Variants in DCC observed in about 807,000 individuals in gnomAD.
The protein encoded by DCC is DCC netrin 1 receptor, also known as netrin receptor DCC.
DCC carries 58 observed loss-of-function variants against 172.5 expected under a neutral mutation model. That is an observed-to-expected ratio of 0.34 (90% CI 0.27 to 0.42). The LOEUF (loss-of-function observed/expected upper bound fraction) is 0.42, where lower values mean the gene tolerates loss of function less well. Among genes scored for constraint, DCC ranks in the 10% least tolerant of loss-of-function variants. The pLI is 1.00. For missense variants in DCC, 1,740 were observed against 1,791.0 expected (o/e 0.97, Z 0.51); for synonymous variants, 709 against 644.5 (o/e 1.10, Z -1.52).
chr18:53,127,457 A>G (rs1268256615), intron 7 of DCC, among the ~76,000 whole-genome samples: 2 of 152,050 alleles, frequency 1.3e-5, no homozygotes, highest in Non-Finnish European at 2.9e-5. Flanking sequence ...GTGTTCTCCC[A>G]GTCTGCAGGG....
intron 2 of DCC, among the ~76,000 whole-genome samples, chr18:52,796,042 T>C (rs904738372): frequency 9.7e-5 from 14 of 144,506 alleles, no homozygotes; most frequent in Non-Finnish European, 1.8e-4. Context: ...ATTTAAATTG[T>C]TTTCTATAGG....
At chr18:52,725,548 G>A (rs2036538831) in intron 1 of DCC, among the ~76,000 whole-genome samples, 1 of 152,156 alleles carries the variant, frequency 6.6e-6, no homozygotes, top group Non-Finnish European at 1.5e-5. Flanking sequence ...ATAGGCAGTG[G>A]GAGAAGCTGA....
At chr18:52,605,718 T>C (rs541609265) in intron 1 of DCC, among the ~76,000 whole-genome samples, 1 of 152,244 alleles carries the variant, frequency 6.6e-6, no homozygotes, top group East Asian at 1.9e-4. Flanking sequence ...ACTCTTTCAC[T>C]GAGCTACACT....
chr18:52,713,180 T>C (rs892319920), intron 1 of DCC, among the ~76,000 whole-genome samples: 2 of 152,242 alleles, frequency 1.3e-5, no homozygotes, highest in Admixed American at 6.5e-5. Flanking sequence ...TTCTTTTCTC[T>C]CGCATAGCAT....
At position 52,529,356 on chromosome 18, in the gene DCC, T is replaced by A. The variant is rs1323572116; in HGVS notation, c.91+188478T>A. ...CCCAGGCTGGAGTGCAGTGGCACGA[T>A]CTCAGCTCACTGCAAGCTCCGCCTC... On this transcript the variant is annotated intron_variant, in intron 1 of 28. Coordinates refer to ENST00000442544, the MANE Select transcript of DCC (RefSeq NM_005215.4). Among the ~76,000 whole-genome samples the A allele has an allele frequency of 3.3e-5, 5 of 152,320 alleles. 1 individual carries two copies. The highest frequency in any genetic ancestry group is 3.3e-4 in the Admixed American group (5 of 15,298).
chr18:53,078,740 A>G (rs1165452775), intron 7 of DCC, among the ~76,000 whole-genome samples: 1 of 152,212 alleles, frequency 6.6e-6, no homozygotes, highest in Non-Finnish European at 1.5e-5. Context: ...TGACAAATAT[A>G]TACCAAGAAT....
intron 15 of DCC, among the ~76,000 whole-genome samples, chr18:53,348,298 C>G (rs938962172): frequency 6.6e-6 from 1 of 152,176 alleles, no homozygotes; most frequent in African/African-American, 2.4e-5. Flanking sequence ...GAGGGACAGT[C>G]AAATCTTAAA....
chr18:52,883,689 C>A (rs1167523198), intron 2 of DCC, among the ~76,000 whole-genome samples: 3 of 148,518 alleles, frequency 2.0e-5, no homozygotes, highest in Non-Finnish European at 4.5e-5. Flanking sequence ...GTAGTTACTG[C>A]TTTTGAGTTG....
At chr18:52,380,531 C>T (rs12968385) in intron 1 of DCC, among the ~76,000 whole-genome samples, 20,622 of 151,982 alleles carry the variant, frequency 0.14, 1,557 homozygotes, top group Non-Finnish European at 0.16. Flanking sequence ...TCCCCACTTT[C>T]GAAACATCAA....
At chr18:53,056,393 CAG>C (rs2042404457) in intron 5 of DCC, among the ~76,000 whole-genome samples, 1 of 152,134 alleles carries the variant, frequency 6.6e-6, no homozygotes. Flanking sequence ...GGTGGGCACA[CAG>C]AGCTAAACCA....
intron 17 of DCC, among the ~76,000 whole-genome samples, chr18:53,393,089 ACTACCATCCTC>A (rs1908673856): frequency 6.6e-6 from 1 of 152,106 alleles, no homozygotes; most frequent in South Asian, 2.1e-4. Context: ...TTTTCACTGA[ACTACCATCCTC>A]CTGAATCCAG....
intron 1 of DCC, among the ~76,000 whole-genome samples, chr18:52,465,758 G>C (rs72924602): frequency 5.4e-5 from 8 of 149,456 alleles, no homozygotes; most frequent in Non-Finnish European, 8.8e-5. Context: ...AACTTCCCTC[G>C]TTTAGTTAAT....
intron 7 of DCC, among the ~76,000 whole-genome samples, chr18:53,070,883 A>C (rs542710121): frequency 2.1e-4 from 32 of 152,344 alleles, no homozygotes; most frequent in African/African-American, 7.0e-4. Context: ...AATTCCTCAG[A>C]GATGCAGCAC....
chr18:53,173,190 T>TG (rs1024447696), intron 8 of DCC, among the ~76,000 whole-genome samples: 21 of 152,088 alleles, frequency 1.4e-4, no homozygotes, highest in African/African-American at 5.1e-4. Flanking sequence ...ATGTGGCAAA[T>TG]GGGAGCATTG....
rs895428917 is a variant in DCC at position 53,530,590 on chromosome 18, A to G, written c.4281A>G (p.Glu1427=). Residue 1427 remains glutamate, a synonymous_variant, in exon 29 of 29, where the codon GAA becomes GAG. Transcript: ENST00000442544. ...ANVYEQDDLS[E]QMASLEGLMK... ...TGTATGAACAGGATGATCTGAGTGA[A>G]CAAATGGCAAGTTTGGAAGGACTCA... 1 of 1,595,434 alleles carries G rather than the reference A, an allele frequency of 6.3e-7. No homozygotes were observed. Among genetic ancestry groups the G allele is most frequent in the Non-Finnish European group, 8.6e-7 (1 of 1,162,998 alleles).
chr18:52,564,696 C>T (rs2033116154), intron 1 of DCC, among the ~76,000 whole-genome samples: 1 of 148,230 alleles, frequency 6.7e-6, no homozygotes, highest in African/African-American at 2.5e-5. Flanking sequence ...ATGCCTCTTT[C>T]AGCACTTGAT....
At chr18:53,388,044 G>A (rs3794918) in intron 16 of DCC, among the ~76,000 whole-genome samples, 64,644 of 152,052 alleles carry the variant, frequency 0.43, 15,503 homozygotes, top group Non-Finnish European at 0.55. Context: ...ACATTCCCAA[G>A]GTGGTTTCAA....
intron 1 of DCC, among the ~76,000 whole-genome samples, chr18:52,555,207 T>A (rs1032516620): frequency 4.6e-5 from 7 of 152,048 alleles, no homozygotes; most frequent in Admixed American, 2.6e-4. Flanking sequence ...CGAAGAGCAG[T>A]GTAGGTATTT....
chr18:53,113,731 A>C (rs916567681), intron 7 of DCC, among the ~76,000 whole-genome samples: 2 of 151,208 alleles, frequency 1.3e-5, no homozygotes, highest in Non-Finnish European at 3.0e-5. Flanking sequence ...TTTAAGAAAT[A>C]GTATATGCAT....
Sources: gnomAD v4.1 joint callset for allele counts (sites outside exome capture counted in the v4.1 genomes callset) on GRCh38, gnomAD v4.1.1 for gene constraint, MANE v1.5 for transcripts, NCBI Gene and HGNC (gene_info 2026-07-23, HGNC 2026-07-21) for gene names.